The following FMNL2 variants were observed in gnomAD, a reference collection of about 807,000 sequenced individuals.
FMNL2 encodes formin like 2.
A neutral mutation model predicts 130.2 loss-of-function variants in FMNL2; 51 were observed. That is an observed-to-expected ratio of 0.39 (90% CI 0.31 to 0.49). The LOEUF (loss-of-function observed/expected upper bound fraction) is 0.49, where lower values mean the gene tolerates loss of function less well. Among genes scored for constraint, FMNL2 ranks in the 20% least tolerant of loss-of-function variants. The pLI is 0.85. For synonymous variants in FMNL2, 465 were observed against 467.1 expected (o/e 1.00, Z 0.06); for missense variants, 977 against 1,316.2 (o/e 0.74, Z 3.99).
chr2:152,581,439 A>G (rs1196569325), intron 9 of FMNL2, among the ~76,000 whole-genome samples: 1 of 152,202 alleles, frequency 6.6e-6, no homozygotes, highest in Non-Finnish European at 1.5e-5. Flanking sequence ...GCTGGATGCT[A>G]TGAAAAACCT....
intron 1 of FMNL2, among the ~76,000 whole-genome samples, chr2:152,454,709 G>A (rs540797779): frequency 7.4e-4 from 113 of 152,310 alleles, no homozygotes; most frequent in African/African-American, 2.6e-3. Context: ...TTAAGATCAA[G>A]GCCTAGTTCT....
intron 1 of FMNL2, among the ~76,000 whole-genome samples, chr2:152,352,733 A>G (rs1345254065): frequency 1.3e-5 from 2 of 150,804 alleles, no homozygotes; most frequent in Admixed American, 6.6e-5. Context: ...TTTTTCTAGT[A>G]ACAGTTGTCC....
At chr2:152,640,670 A>C in intron 24 of FMNL2, 121 bp from the exon 25 acceptor site, 1 of 1,200,642 alleles carries the variant, frequency 8.3e-7, no homozygotes, top group African/African-American at 1.5e-5. Context: ...AGAATGTGGG[A>C]TGTGTGTGTG....
chr2:152,405,642 T>G (rs1222646589), intron 1 of FMNL2, among the ~76,000 whole-genome samples: 4 of 152,188 alleles, frequency 2.6e-5, no homozygotes, highest in African/African-American at 9.7e-5. Flanking sequence ...GAAAGGACCC[T>G]AGAGACCAAC....
chr2:152,638,338 C>T (rs1682794965), intron 23 of FMNL2, among the ~76,000 whole-genome samples: 1 of 152,166 alleles, frequency 6.6e-6, no homozygotes, highest in Admixed American at 6.5e-5. Context: ...TTTAGCTGAC[C>T]TTGGCAACAC....
intron 11 of FMNL2, 21 bp from the exon 12 acceptor site, chr2:152,614,830 C>G: frequency 6.3e-7 from 1 of 1,582,130 alleles, no homozygotes; most frequent in Admixed American, 2.0e-5. Flanking sequence ...ACACCACGTT[C>G]TCTCCTATTC....
intron 1 of FMNL2, among the ~76,000 whole-genome samples, chr2:152,488,084 GAATT>G (rs1690939117): frequency 1.3e-5 from 2 of 152,242 alleles, no homozygotes; most frequent in Admixed American, 1.3e-4. Context: ...CTGGCTAGAT[GAATT>G]ATTTCCTTTA....
At chr2:152,433,908 GT>G (rs1687617222) in intron 1 of FMNL2, among the ~76,000 whole-genome samples, 6 of 152,238 alleles carry the variant, frequency 3.9e-5, no homozygotes, top group Admixed American at 3.3e-4. Flanking sequence ...GTCCTGCCCT[GT>G]TTTCCTGTAG....
At chr2:152,597,906 A>G (rs1697852144) in intron 9 of FMNL2, among the ~76,000 whole-genome samples, 1 of 152,204 alleles carries the variant, frequency 6.6e-6, no homozygotes, top group South Asian at 2.1e-4. Context: ...GAACTTGGGG[A>G]AAAGCAAAGA....
intron 1 of FMNL2, among the ~76,000 whole-genome samples, chr2:152,381,575 T>A (rs1363147323): frequency 6.6e-6 from 1 of 152,158 alleles, no homozygotes; most frequent in Non-Finnish European, 1.5e-5. Context: ...CTGTGTGGGG[T>A]CATGAGAGTC....
chr2:152,360,360 C>T (rs1203762078), intron 1 of FMNL2, among the ~76,000 whole-genome samples: 1 of 151,750 alleles, frequency 6.6e-6, no homozygotes, highest in Non-Finnish European at 1.5e-5. Context: ...TTGACAGAGT[C>T]TCACTCTGTT....
At chr2:152,625,339 C>T (rs1681706384) in intron 15 of FMNL2, 99 bp from the exon 16 acceptor site, 31 of 1,402,334 alleles carry the variant, frequency 2.2e-5, no homozygotes, top group Non-Finnish European at 2.9e-5. Flanking sequence ...AACCTTCCTC[C>T]AGTGTCAAAG....
chr2:152,389,242 A>G (rs996363989), intron 1 of FMNL2, among the ~76,000 whole-genome samples: 7 of 152,220 alleles, frequency 4.6e-5, no homozygotes, highest in Admixed American at 4.6e-4. Context: ...GAGACTGAGA[A>G]GTCCAAGATC....
chr2:152,467,458 C>T (rs1214353659), intron 1 of FMNL2, among the ~76,000 whole-genome samples: 2 of 152,198 alleles, frequency 1.3e-5, no homozygotes, highest in Non-Finnish European at 2.9e-5. Context: ...CTGCCTCCTG[C>T]TTCTTCCCTC....
At chr2:152,490,278 G>C (rs964995650) in intron 1 of FMNL2, among the ~76,000 whole-genome samples, 5 of 151,886 alleles carry the variant, frequency 3.3e-5, no homozygotes, top group Non-Finnish European at 5.9e-5. Flanking sequence ...GAGTGGTTGG[G>C]GGGAGTGGGA....
intron 2 of FMNL2, among the ~76,000 whole-genome samples, chr2:152,533,546 CTTTTTTTTTTTTT>C (rs35382323): frequency 8.7e-6 from 1 of 115,322 alleles, no homozygotes; most frequent in African/African-American, 3.3e-5. Flanking sequence ...AATTCTCCAA[CTTTTTTTTTTTTT>C]TTTTTTTTGC....
chr2:152,456,758 A>G (rs1468697894), intron 1 of FMNL2, among the ~76,000 whole-genome samples: 2 of 152,024 alleles, frequency 1.3e-5, no homozygotes, highest in African/African-American at 4.8e-5. Context: ...CCTGACCAAC[A>G]TGGTGAAACC....
At chr2:152,644,625 G>A (rs1415735679) in intron 25 of FMNL2, among the ~76,000 whole-genome samples, 1 of 152,206 alleles carries the variant, frequency 6.6e-6, no homozygotes, top group East Asian at 1.9e-4. Context: ...GAGCAAAGCT[G>A]TGAGGCAGGA....
chr2:152,606,038 A>G (rs1018317688), intron 9 of FMNL2, among the ~76,000 whole-genome samples: 6 of 152,270 alleles, frequency 3.9e-5, no homozygotes, highest in African/African-American at 7.2e-5. Context: ...TGTAGATGCT[A>G]TGTAGTGAAC....
Sources: allele counts gnomAD v4.1 joint callset (sites outside exome capture counted in the v4.1 genomes callset), GRCh38; gene constraint gnomAD v4.1.1; transcripts MANE v1.5; gene names NCBI Gene and HGNC (gene_info 2026-07-23, HGNC 2026-07-21).